KCNT2: variants seen among roughly 807,000 people sequenced by gnomAD.
KCNT2 encodes potassium sodium-activated channel subfamily T member 2, also known as potassium channel subfamily T member 2.
KCNT2 carries 67 observed loss-of-function variants against 153.8 expected under a neutral mutation model. The ratio of observed to expected loss-of-function variants is 0.44; its 90% CI spans 0.36 to 0.53. The LOEUF is 0.53. Among genes scored for constraint, KCNT2 ranks in the 20% least tolerant of loss-of-function variants. The probability of loss-of-function intolerance (pLI) is 0.00; values close to 1 mark genes in which losing one functional copy is unlikely to be tolerated. For synonymous variants in KCNT2, 500 were observed against 458.8 expected (o/e 1.09, Z -1.15); for missense variants, 975 against 1,354.8 (o/e 0.72, Z 4.40).
At chr1:196,384,249 A>T (rs1051680726) in intron 13 of KCNT2, among the ~76,000 whole-genome samples, 2 of 152,202 alleles carry the variant, frequency 1.3e-5, no homozygotes, top group Non-Finnish European at 2.9e-5. Flanking sequence ...ACAGTAAGCT[A>T]TAAATCCTCA....
intron 22 of KCNT2, among the ~76,000 whole-genome samples, chr1:196,302,383 G>C (rs1181562027): frequency 6.6e-6 from 1 of 152,022 alleles, no homozygotes; most frequent in Admixed American, 6.6e-5. Flanking sequence ...ATTTGATAGG[G>C]CTGCCATAAC....
At chr1:196,418,471 A>G (rs1672928954) in intron 12 of KCNT2, among the ~76,000 whole-genome samples, 2 of 130,072 alleles carry the variant, frequency 1.5e-5, no homozygotes, top group South Asian at 4.3e-4. Flanking sequence ...AAGTCTCAAG[A>G]ACAACAACAA....
intron 1 of KCNT2, chr1:196,582,329 G>C (rs1662162101): frequency 1.3e-5 from 2 of 152,514 alleles, no homozygotes; most frequent in Non-Finnish European, 2.9e-5. Context: ...TTGGAAGAAT[G>C]CTAGTAAAAA....
At chr1:196,231,673 C>T (rs1357117975) in intron 27 of KCNT2, among the ~76,000 whole-genome samples, 1 of 151,638 alleles carries the variant, frequency 6.6e-6, no homozygotes, top group African/African-American at 2.4e-5. Context: ...CAATGGAGAC[C>T]ACAGAGGATG....
At position 196,492,271 on chromosome 1, in the gene KCNT2, G is replaced by T; in HGVS notation, c.166C>A (p.Gln56Lys). Residue 56 changes from glutamine (Q) to lysine (K), a missense_variant, in exon 2 of 28, where the codon CAG becomes AAG. This residue lies in a region of KCNT2 where 140 missense variants were observed against 216.0 expected (regional missense o/e 0.65). Transcript: ENST00000294725. ...GAAATGAATAACTTACTTGATCTCT[G>T]GTTTTTTATGAAAAATAATTTTAGT... The part of the protein sequence containing the change: ...ERLKLFFIKN[Q>K]RSSLRIRLFN... The T allele has an allele frequency of 7.1e-7, 1 of 1,418,342 alleles. No individual in the cohort carries two copies. Among genetic ancestry groups the T allele is most frequent in the South Asian group, 1.4e-5 (1 of 72,328 alleles). The allele number at this position is 1,418,342 out of a possible 1,614,324, so 87.9% of individuals were successfully genotyped here. A position where few individuals can be genotyped will look rare whatever the true frequency, so the allele number is the denominator to read the frequency against.
At chr1:196,351,346 C>T (rs1266948292) in intron 14 of KCNT2, among the ~76,000 whole-genome samples, 1 of 152,088 alleles carries the variant, frequency 6.6e-6, no homozygotes, top group African/African-American at 2.4e-5. Flanking sequence ...GCATGGAATG[C>T]TCTTCCATTT....
At chr1:196,373,774 GAAA>G (rs1336153004) in intron 13 of KCNT2, among the ~76,000 whole-genome samples, 1 of 151,842 alleles carries the variant, frequency 6.6e-6, no homozygotes, top group Admixed American at 6.6e-5. Flanking sequence ...TTGATACTAT[GAAA>G]ATAACTGTAA....
At chr1:196,600,569 T>C (rs959732712) in intron 1 of KCNT2, among the ~76,000 whole-genome samples, 7 of 152,228 alleles carry the variant, frequency 4.6e-5, no homozygotes, top group South Asian at 4.1e-4. Context: ...AACATGGTTA[T>C]GATGTGTGGT....
chr1:196,327,660 A>C (rs1261769729), intron 18 of KCNT2, among the ~76,000 whole-genome samples: 3 of 121,240 alleles, frequency 2.5e-5, no homozygotes, highest in African/African-American at 1.2e-4. Flanking sequence ...CCTCTGGAAT[A>C]TTCTGATCTT....
At chr1:196,259,292 T>G (rs190017193) in intron 25 of KCNT2, among the ~76,000 whole-genome samples, 158 of 152,266 alleles carry the variant, frequency 1.0e-3, no homozygotes, top group East Asian at 9.8e-3. Flanking sequence ...CTAAATTTGA[T>G]TTTTAAAGTA....
intron 5 of KCNT2, among the ~76,000 whole-genome samples, chr1:196,472,344 A>G (rs1378498340): frequency 1.3e-5 from 2 of 152,204 alleles, no homozygotes; most frequent in Admixed American, 1.3e-4. Context: ...TACTTAAAGT[A>G]ATCATGTAGA....
chr1:196,464,732 C>A (rs75875115), intron 8 of KCNT2, among the ~76,000 whole-genome samples: 7,714 of 151,986 alleles, frequency 0.051, 664 homozygotes, highest in African/African-American at 0.17. Flanking sequence ...CTATAATTGT[C>A]AAAGTGTGAC....
intron 26 of KCNT2, among the ~76,000 whole-genome samples, chr1:196,254,330 AC>A (rs1441576459): frequency 6.6e-6 from 1 of 151,502 alleles, no homozygotes; most frequent in Admixed American, 6.6e-5. Flanking sequence ...GAAAATACAC[AC>A]ACACTCATTT....
chr1:196,425,919 T>C lies in KCNT2; in HGVS notation c.1054A>G (p.Met352Val). The C allele has an allele frequency of 1.2e-6, 2 of 1,612,488 alleles. No individual in the cohort carries two copies. Among genetic ancestry groups the C allele is most frequent in the Non-Finnish European group, 8.5e-7 (1 of 1,178,916 alleles). Residue 352 changes from methionine (M) to valine (V), a missense_variant, in exon 11 of 28, where the codon ATG becomes GTG. By Grantham distance (21) the Met-to-Val change is conservative. Coordinates refer to ENST00000294725, the MANE Select transcript of KCNT2 (RefSeq NM_198503.5). ...AGGTAGATAACTCGTTGGGACCACATTGGAATCTGCAGTACCCTTCGAACC... is the reference window on the plus strand; with the variant it reads ...AGGTAGATAACTCGTTGGGACCACACTGGAATCTGCAGTACCCTTCGAACC... ...VQVRRVLQIP[M>V]WSQRVIYLQG... is the part of the protein sequence containing the mutation.
At chr1:196,588,005 T>C (rs1407968031) in intron 1 of KCNT2, among the ~76,000 whole-genome samples, 1 of 152,008 alleles carries the variant, frequency 6.6e-6, no homozygotes, top group African/African-American at 2.4e-5. Context: ...TAAGATAGTG[T>C]GGAAAAATTA....
chr1:196,413,498 A>G (rs995563321), intron 12 of KCNT2, among the ~76,000 whole-genome samples: 3 of 151,744 alleles, frequency 2.0e-5, no homozygotes, highest in African/African-American at 7.2e-5. Flanking sequence ...ACAATCCTAA[A>G]AAATTGCAAG....
intron 1 of KCNT2, among the ~76,000 whole-genome samples, chr1:196,500,829 A>G (rs961905236): frequency 3.9e-5 from 6 of 152,228 alleles, no homozygotes; most frequent in Admixed American, 6.5e-5. Flanking sequence ...CAGAATCTAC[A>G]ATGAACTCAA....
At chr1:196,351,089 C>A (rs1164935639) in intron 14 of KCNT2, among the ~76,000 whole-genome samples, 1 of 152,286 alleles carries the variant, frequency 6.6e-6, no homozygotes, top group Non-Finnish European at 1.5e-5. Flanking sequence ...CAGTATCATG[C>A]TGCTTTGGTT....
In KCNT2 at chr1:196,226,070, A is replaced by C. The variant is rs1653469523; in HGVS notation, c.*2154T>G. ...AAATATTAAATTTGGACTAATGTTCATAGTCAAAAATAATTATTTTAAAAT... is the reference window on the plus strand; with the variant it reads ...AAATATTAAATTTGGACTAATGTTCCTAGTCAAAAATAATTATTTTAAAAT... On this transcript the variant is annotated 3_prime_UTR_variant, in exon 28 of 28. Transcript: ENST00000294725. 6.6e-6 allele frequency: 1 copy of C among 152,046 alleles called. No individual in the cohort carries two copies. The highest frequency in any genetic ancestry group is 2.4e-5 in the African/African-American group (1 of 41,454). 9.4% of individuals were successfully genotyped at this position (152,046 alleles called of 1,614,324 possible).
Sources: gnomAD v4.1 joint callset for allele counts (sites outside exome capture counted in the v4.1 genomes callset) on GRCh38, gnomAD v4.1.1 for gene constraint, gnomAD v4.1.1 regional missense constraint, MANE v1.5 for transcripts, NCBI Gene and HGNC (gene_info 2026-07-23, HGNC 2026-07-21) for gene names.